CTSO: variants seen among roughly 807,000 people sequenced by gnomAD.
The protein encoded by CTSO is cathepsin O.
A neutral mutation model predicts 42.4 loss-of-function variants in CTSO; 40 were observed. The observed-to-expected ratio is 0.94, with a 90% CI of 0.73 to 1.23. The LOEUF (loss-of-function observed/expected upper bound fraction) is 1.23. Among genes scored for constraint, CTSO ranks in the 50% most tolerant of loss-of-function variants. CTSO has a pLI of 0.00. For synonymous variants in CTSO, 156 were observed against 146.2 expected (o/e 1.07, Z -0.48); for missense variants, 441 against 396.0 (o/e 1.11, Z -0.96).
chr4:155,939,606 T>C, intron 3 of CTSO, 68 bp from the exon 4 acceptor site: 2 of 1,371,846 alleles, frequency 1.5e-6, no homozygotes, highest in East Asian at 2.3e-5. Flanking sequence ...TCTCTAAATG[T>C]AACAAGTTAT....
rs537641892 is a variant in CTSO, at chr4:155,929,618, C to A, written c.762G>T (p.Leu254=). ...AGCAGTGATGCTGTATAATGCCTCC[C>A]AGATAATCTTGCCAGCTCACTGCAT... ...IVDAVSWQDY[L]GGIIQHHCSS... Residue 254 remains leucine, a synonymous_variant, in exon 6 of 8, where the codon CTG becomes CTT. Coordinates refer to ENST00000433477, the MANE Select transcript of CTSO (RefSeq NM_001334.3). 7.4e-6 allele frequency: 12 copies of A among 1,613,922 alleles called. No individual in the cohort carries two copies. In the East Asian group the frequency reaches 2.5e-4, roughly 33 times the overall value.
chr4:155,945,128 G>A (rs1173207469), intron 1 of CTSO, among the ~76,000 whole-genome samples: 11 of 151,638 alleles, frequency 7.3e-5, no homozygotes, highest in Non-Finnish European at 1.5e-5. Flanking sequence ...GTGGTGGTGG[G>A]CGCCTATAAT....
At chr4:155,940,697 G>A (rs1379075837) in intron 3 of CTSO, among the ~76,000 whole-genome samples, 2 of 152,064 alleles carry the variant, frequency 1.3e-5, no homozygotes, top group Non-Finnish European at 2.9e-5. Context: ...ACAAAAATTA[G>A]CCAGGCATGG....
chr4:155,934,551 G>C lies in CTSO; in HGVS notation c.674+2811C>G, dbSNP rs185067563. 1.5e-3 allele frequency among the ~76,000 whole-genome samples: 222 copies of C among 152,298 alleles called. 1 individual carries two copies. The highest frequency in any genetic ancestry group is 5.1e-3 in the African/African-American group (212 of 41,566). ...TGCCAGACCGTGAAAGCAGCCAGGA[G>C]GGAGGCTGTACCCTGCAAAGCACAG... On this transcript the variant is annotated intron_variant, in intron 5 of 7. Coordinates refer to ENST00000433477, the MANE Select transcript of CTSO (RefSeq NM_001334.3).
chr4:155,945,642 C>T (rs1743529998), intron 1 of CTSO, among the ~76,000 whole-genome samples: 2 of 152,128 alleles, frequency 1.3e-5, no homozygotes, highest in South Asian at 2.1e-4. Flanking sequence ...GAATACGCTG[C>T]AACTTAAATA....
At chr4:155,935,471 C>A (rs1743313703) in intron 5 of CTSO, among the ~76,000 whole-genome samples, 1 of 152,100 alleles carries the variant, frequency 6.6e-6, no homozygotes, top group African/African-American at 2.4e-5. Flanking sequence ...CTGCTTGGAA[C>A]CATGTTCCCC....
chr4:155,928,537 A>C, intron 6 of CTSO, 109 bp from the exon 7 acceptor site: 1 of 719,572 alleles, frequency 1.4e-6, no homozygotes, highest in Non-Finnish European at 2.3e-6. Flanking sequence ...AGCTCTGAGA[A>C]GAAGATTAAA....
At chr4:155,934,578 G>A (rs1430781221) in intron 5 of CTSO, among the ~76,000 whole-genome samples, 1 of 152,198 alleles carries the variant, frequency 6.6e-6, no homozygotes, top group Admixed American at 6.5e-5. Flanking sequence ...AAAGCACAGA[G>A]GCAGAGGTGC....
At chr4:155,935,720 G>A (rs1162139547) in intron 5 of CTSO, among the ~76,000 whole-genome samples, 3 of 151,976 alleles carry the variant, frequency 2.0e-5, no homozygotes. Context: ...TGAGGGCAAG[G>A]TTTTTGTCTG....
Position 155,925,975 on chromosome 4 carries a change from A to G in CTSO, c.*61T>C. ...AAGTTGAATAATACTTTGAAGTACT[A>G]TGTTACATTGCATTATGAAAACCTT... On this transcript the variant is annotated 3_prime_UTR_variant, in exon 8 of 8. Transcript: ENST00000433477. The G allele has an allele frequency of 1.5e-6, 2 of 1,378,622 alleles. No individual in the cohort carries two copies. The highest frequency in any genetic ancestry group is 2.1e-6 in the Non-Finnish European group (2 of 975,326). 85.4% of individuals were successfully genotyped at this position (1,378,622 alleles called of 1,614,324 possible).
Position 155,953,786 on chromosome 4 carries a change from C to A in CTSO, c.62G>T (p.Gly21Val). Residue 21 changes from glycine to valine, a missense_variant, in exon 1 of 8, where the codon GGC (glycine) becomes GTC (valine). Coordinates refer to ENST00000433477, the MANE Select transcript of CTSO (RefSeq NM_001334.3). ...GAAGGGGGCGCGGGAGTCCGCATCG[C>A]CGCCGCCCCGGCACAGCAGCCACAG... ...WLLWLLCRGG[G>V]DADSRAPFTP... 1.5e-6 allele frequency: 2 copies of A among 1,343,036 alleles called. No individual in the cohort carries two copies. Among genetic ancestry groups the A allele is most frequent in the Non-Finnish European group, 1.9e-6 (2 of 1,043,568 alleles). 83.2% of individuals were successfully genotyped at this position (1,343,036 alleles called of 1,614,324 possible).
rs763561825 is a variant in CTSO at position 155,953,810 on chromosome 4, AGCAGCCACG to A, written c.29_37del (p.Pro10_Leu12del). On this transcript the variant is annotated inframe_deletion, in exon 1 of 8. Coordinates refer to ENST00000433477, the MANE Select transcript of CTSO (RefSeq NM_001334.3). ...GCCGCCGCCCCGGCACAGCAGCCACAGCAGCCACGGCAGCCACGGCAGCGCCCGCACGTC... is the reference window on the plus strand; with the variant it reads ...GCCGCCGCCCCGGCACAGCAGCCACAGCAGCCACGGCAGCGCCCGCACGTC... 5.2e-6 allele frequency: 7 copies of A among 1,348,414 alleles called. No individual in the cohort carries two copies. Among genetic ancestry groups the A allele is most frequent in the Admixed American group, 3.0e-5 (1 of 32,962 alleles). The allele number at this position is 1,348,414 out of a possible 1,614,324, so 83.5% of individuals were successfully genotyped here. A position where few individuals can be genotyped will look rare whatever the true frequency, so the allele number is the denominator to read the frequency against.
Position 155,929,542 on chromosome 4 carries a change from C to T in CTSO, c.838G>A (p.Gly280Arg). The T allele has an allele frequency of 6.2e-7, 1 of 1,611,448 alleles. No homozygotes were observed. Among genetic ancestry groups the T allele is most frequent in the South Asian group, 1.1e-5 (1 of 90,456 alleles). Residue 280 changes from glycine to arginine, a missense_variant and splice_region_variant, in exon 6 of 8, where the codon GGA (glycine) becomes AGA (arginine). Coordinates refer to ENST00000433477, the MANE Select transcript of CTSO (RefSeq NM_001334.3). Reference sequence around the variant, plus strand: ...TCAACTGAGTCTTATCAGCACTTACCTGTTTTATCAAACCCAGTTATGAGA... The same window carrying T: ...TCAACTGAGTCTTATCAGCACTTACTTGTTTTATCAAACCCAGTTATGAGA... Reference protein sequence around the residue: ...AVLITGFDKTGSTPYWIVRNS... With the variant: ...AVLITGFDKTRSTPYWIVRNS...
In CTSO at chr4:155,931,978, CT is replaced by C. The variant is rs1229033871; in HGVS notation, c.675-2274del. ...GATGCTTCATAATGTGGATTTTCAT[CT>C]CATCTTCCCTAGAATTCAGTGTGTT... On this transcript the variant is annotated intron_variant, in intron 5 of 7. Coordinates refer to ENST00000433477, the MANE Select transcript of CTSO (RefSeq NM_001334.3). Among the ~76,000 whole-genome samples the C allele has an allele frequency of 3.4e-4, 51 of 152,040 alleles. 1 individual carries two copies. In the East Asian group the frequency reaches 9.7e-3, roughly 29 times the overall value.
At chr4:155,948,861 G>A (rs368395711) in intron 1 of CTSO, among the ~76,000 whole-genome samples, 1 of 152,168 alleles carries the variant, frequency 6.6e-6, no homozygotes, top group Non-Finnish European at 1.5e-5. Context: ...AACCCAAGGA[G>A]GGTGACTTGA....
At chr4:155,951,077 C>T (rs987459811) in intron 1 of CTSO, among the ~76,000 whole-genome samples, 1 of 152,064 alleles carries the variant, frequency 6.6e-6, no homozygotes, top group Non-Finnish European at 1.5e-5. Flanking sequence ...CATCTATTTA[C>T]ACATAAATAA....
intron 5 of CTSO, among the ~76,000 whole-genome samples, chr4:155,933,437 T>A (rs1579340961): frequency 6.6e-6 from 1 of 152,120 alleles, no homozygotes; most frequent in Non-Finnish European, 1.5e-5. Flanking sequence ...AATGGACTCA[T>A]AGTAAATTGG....
intron 5 of CTSO, among the ~76,000 whole-genome samples, chr4:155,931,578 G>T (rs1298885433): frequency 1.3e-5 from 2 of 152,074 alleles, no homozygotes; most frequent in Non-Finnish European, 2.9e-5. Flanking sequence ...GCTATCATTT[G>T]TCTTTCAGAA....
chr4:155,942,339 G>T lies in CTSO; in HGVS notation c.362C>A (p.Thr121Lys). The T allele has an allele frequency of 6.3e-7, 1 of 1,578,170 alleles. No homozygotes were observed. Among genetic ancestry groups the T allele is most frequent in the Non-Finnish European group, 8.6e-7 (1 of 1,163,914 alleles). ...RFDWRDKQVVTQVRNQQMCGG... is the reference protein window; with the variant it reads ...RFDWRDKQVVKQVRNQQMCGG... ...TACCATCTGCTGGTTTCTCACTTGT[G>T]TCACAACCTGCTTGTCCCTCCAGTC... The change falls in exon 3 of 8, where the codon ACA (threonine) becomes AAA (lysine). Residue 121 changes from threonine (T) to lysine (K), a missense_variant. Physicochemically the swap from Thr to Lys is moderately conservative, Grantham distance 78. Transcript: ENST00000433477.
Sources: allele counts gnomAD v4.1 joint callset (sites outside exome capture counted in the v4.1 genomes callset), GRCh38; gene constraint gnomAD v4.1.1; transcripts MANE v1.5; gene names NCBI Gene and HGNC (gene_info 2026-07-23, HGNC 2026-07-21).